The following MTHFD1L variants were observed in gnomAD, a reference collection of about 807,000 sequenced individuals.
MTHFD1L encodes the protein monofunctional C1-tetrahydrofolate synthase, mitochondrial.
MTHFD1L carries 81 observed loss-of-function variants against 119.5 expected under a neutral mutation model. The ratio of observed to expected loss-of-function variants is 0.68; its 90% confidence interval spans 0.57 to 0.82. The LOEUF (loss-of-function observed/expected upper bound fraction) is 0.82. Ranked by LOEUF, MTHFD1L falls within the 40% of genes least tolerant of loss-of-function variation. The probability of loss-of-function intolerance (pLI) is 0.00; values close to 1 mark genes in which losing one functional copy is unlikely to be tolerated. For missense variants in MTHFD1L, 1,125 were observed against 1,253.4 expected (o/e 0.90, Z 1.55); for synonymous variants, 430 against 475.2 (o/e 0.90, Z 1.24).
At chr6:151,002,829 G>A (rs1404832953) in intron 20 of MTHFD1L, among the ~76,000 whole-genome samples, 1 of 152,198 alleles carries the variant, frequency 6.6e-6, no homozygotes, top group African/African-American at 2.4e-5. Flanking sequence ...TTCCTCCTGC[G>A]TGAGCCACTG....
Position 150,905,774 on chromosome 6 carries a change from A to C in MTHFD1L, c.892+13A>C, listed in dbSNP as rs201301507. ...GACTTCCTGTCAGGTAAATGTCTTC[A>C]CATTGGTGTTGAGCCACTGATTAGG... On this transcript the variant is annotated intron_variant, in intron 8 of 27. Coordinates refer to ENST00000367321, the MANE Select transcript of MTHFD1L (RefSeq NM_015440.5). 5.7e-6 allele frequency: 9 copies of C among 1,586,562 alleles called. No individual in the cohort carries two copies. In the South Asian group the frequency reaches 7.7e-5, roughly 14 times the overall value.
chr6:150,987,752 T>G (rs1266919793), intron 20 of MTHFD1L, among the ~76,000 whole-genome samples: 1 of 152,192 alleles, frequency 6.6e-6, no homozygotes, highest in African/African-American at 2.4e-5. Context: ...AGTGCACGTT[T>G]GTTAAATGAG....
chr6:151,010,799 CAT>C (rs1380088687), intron 21 of MTHFD1L, among the ~76,000 whole-genome samples: 1 of 152,256 alleles, frequency 6.6e-6, no homozygotes, highest in East Asian at 1.9e-4. Flanking sequence ...ATAATATTCA[CAT>C]ATGAGACGAA....
chr6:150,904,796 G>A (rs953751062), intron 7 of MTHFD1L, among the ~76,000 whole-genome samples: 21 of 152,136 alleles, frequency 1.4e-4, no homozygotes, highest in African/African-American at 3.4e-4. Flanking sequence ...GGATGGACAC[G>A]ATCAATGCAT....
Position 150,877,755 on chromosome 6 carries a change from C to T in MTHFD1L, c.364-18C>T. 1 of 1,614,194 alleles carries T rather than the reference C, an allele frequency of 6.2e-7. No individual in the cohort carries two copies. The highest frequency in any genetic ancestry group is 8.5e-7 in the Non-Finnish European group (1 of 1,180,034). ...ACATTCTCTTATAGTGACGAATAACCTTGTGTTCCTTTTTCAGGCTGGTCT... is the reference window on the plus strand; with the variant it reads ...ACATTCTCTTATAGTGACGAATAACTTTGTGTTCCTTTTTCAGGCTGGTCT... On this transcript the variant is annotated intron_variant, in intron 3 of 27. Transcript: ENST00000367321.
chr6:151,000,686 C>T (rs1452775882), intron 20 of MTHFD1L, among the ~76,000 whole-genome samples: 1 of 152,242 alleles, frequency 6.6e-6, no homozygotes, highest in South Asian at 2.1e-4. Flanking sequence ...TCATTACAAT[C>T]CTCACTTTCT....
intron 24 of MTHFD1L, among the ~76,000 whole-genome samples, chr6:151,028,300 T>C (rs765270616): frequency 1.3e-5 from 2 of 152,142 alleles, no homozygotes; most frequent in Non-Finnish European, 2.9e-5. Flanking sequence ...GAAAGTTTAG[T>C]TGGTAACAAA....
chr6:151,081,955 T>C (rs912865967), intron 26 of MTHFD1L, among the ~76,000 whole-genome samples: 12 of 152,086 alleles, frequency 7.9e-5, no homozygotes, highest in Non-Finnish European at 1.3e-4. Context: ...CAGCTTCTCC[T>C]TAAAGGGACT....
intron 20 of MTHFD1L, among the ~76,000 whole-genome samples, chr6:150,997,659 T>G (rs1293099063): frequency 1.3e-5 from 2 of 151,996 alleles, no homozygotes; most frequent in Non-Finnish European, 2.9e-5. Context: ...GGTGTGGTGG[T>G]GTGCACCTGT....
chr6:150,934,632 A>G (rs1313274037), intron 11 of MTHFD1L, among the ~76,000 whole-genome samples: 1 of 152,202 alleles, frequency 6.6e-6, no homozygotes, highest in African/African-American at 2.4e-5. Flanking sequence ...CTCTAAAGAC[A>G]TTCTTTCTTT....
chr6:150,882,218 G>A (rs1781493200), intron 4 of MTHFD1L, among the ~76,000 whole-genome samples: 1 of 152,194 alleles, frequency 6.6e-6, no homozygotes, highest in Admixed American at 6.5e-5. Flanking sequence ...ATAAGCCTTT[G>A]GAAAGGCTTC....
At chr6:150,875,068 T>A (rs1319046808) in intron 1 of MTHFD1L, among the ~76,000 whole-genome samples, 2 of 151,542 alleles carry the variant, frequency 1.3e-5, no homozygotes, top group Non-Finnish European at 2.9e-5. Context: ...TTTCTTTTTT[T>A]AAAAAGAAAT....
chr6:150,992,446 A>G (rs1779179963), intron 20 of MTHFD1L, among the ~76,000 whole-genome samples: 1 of 152,168 alleles, frequency 6.6e-6, no homozygotes, highest in African/African-American at 2.4e-5. Flanking sequence ...GAAGAAGTAG[A>G]GGGGTGGGAT....
At chr6:151,100,913 C>T (rs1000494284) in intron 27 of MTHFD1L, among the ~76,000 whole-genome samples, 8 of 152,216 alleles carry the variant, frequency 5.3e-5, no homozygotes, top group African/African-American at 1.7e-4. Flanking sequence ...AATCCCAGCA[C>T]TTTGGGAGGA....
At chr6:151,078,052 C>CAAAAAAA (rs71014538) in intron 26 of MTHFD1L, among the ~76,000 whole-genome samples, 2,232 of 59,732 alleles carry the variant, frequency 0.037, 283 homozygotes, top group Middle Eastern at 0.093. Context: ...GACTCTGTCT[C>CAAAAAAA]AAAAAAAAAA....
At chr6:150,947,138 C>G (rs570568225) in intron 15 of MTHFD1L, among the ~76,000 whole-genome samples, 120 of 149,082 alleles carry the variant, frequency 8.0e-4, no homozygotes, top group Non-Finnish European at 1.2e-3. Flanking sequence ...TGCTCTGTTG[C>G]TCAGGCTGGA....
At chr6:150,893,645 T>C (rs1783723120) in intron 7 of MTHFD1L, among the ~76,000 whole-genome samples, 1 of 152,134 alleles carries the variant, frequency 6.6e-6, no homozygotes, top group African/African-American at 2.4e-5. Flanking sequence ...GGTGAAAGGT[T>C]TGGGCATCGG....
At chr6:151,017,830 C>CTTTTTTTTTTT (rs895364993) in intron 24 of MTHFD1L, among the ~76,000 whole-genome samples, 10 of 98,984 alleles carry the variant, frequency 1.0e-4, no homozygotes, top group African/African-American at 3.7e-4. Flanking sequence ...ACCGTGTTTT[C>CTTTTTTTTTTT]TTTTTTTTTT....
intron 1 of MTHFD1L, among the ~76,000 whole-genome samples, chr6:150,873,614 A>AAT (rs1316314698): frequency 6.6e-6 from 1 of 152,222 alleles, no homozygotes; most frequent in Non-Finnish European, 1.5e-5. Flanking sequence ...GACTCTGTTA[A>AAT]AAATGCACAT....
Sources: allele counts gnomAD v4.1 joint callset (sites outside exome capture counted in the v4.1 genomes callset), GRCh38; gene constraint gnomAD v4.1.1; transcripts MANE v1.5; gene names NCBI Gene and HGNC (gene_info 2026-07-23, HGNC 2026-07-21).